CREB3L2: variants seen among roughly 807,000 people sequenced by gnomAD.
CREB3L2 encodes the protein cyclic AMP-responsive element-binding protein 3-like protein 2.
Under a neutral mutation model 57.2 loss-of-function variants are expected in CREB3L2, and 23 were observed. The observed-to-expected ratio is 0.40, with a 90% CI of 0.29 to 0.57. The LOEUF (loss-of-function observed/expected upper bound fraction) is 0.57, where lower values mean the gene tolerates loss of function less well. Ranked by LOEUF, CREB3L2 falls within the 20% of genes least tolerant of loss-of-function variation. The pLI is 0.42. For synonymous variants in CREB3L2, 268 were observed against 265.1 expected, an observed-to-expected ratio of 1.01 and a Z score of -0.11; for missense variants, 628 against 634.7, an observed-to-expected ratio of 0.99 and a Z score of 0.11.
chr7:137,921,916 G>T (rs923821878), intron 2 of CREB3L2, among the ~76,000 whole-genome samples: 1 of 151,522 alleles, frequency 6.6e-6, no homozygotes, highest in East Asian at 1.9e-4. Flanking sequence ...GACTACAGGC[G>T]TGCGTCACCT....
intron 6 of CREB3L2, among the ~76,000 whole-genome samples, chr7:137,904,293 G>A (rs1799833601): frequency 6.6e-6 from 1 of 152,196 alleles, no homozygotes; most frequent in African/African-American, 2.4e-5. Flanking sequence ...CACTTTGGGA[G>A]GCTGAGGTGG....
intron 1 of CREB3L2, among the ~76,000 whole-genome samples, chr7:137,943,082 T>A (rs1448519444): frequency 6.6e-6 from 1 of 152,214 alleles, no homozygotes; most frequent in East Asian, 1.9e-4. Context: ...GACCTAGCCC[T>A]GTCACTACTT....
At chr7:137,912,698 G>C in intron 4 of CREB3L2, 1 of 706,252 alleles carries the variant, frequency 1.4e-6, no homozygotes, top group Non-Finnish European at 2.3e-6. Flanking sequence ...TTGTTCGATA[G>C]TGTTTGTAGT....
rs1191738798 is a variant in CREB3L2 at position 137,882,638 on chromosome 7, G to C, written c.1271-10C>G. 3.2e-6 allele frequency: 5 copies of C among 1,570,974 alleles called. No homozygotes were observed. The highest frequency in any genetic ancestry group is 1.2e-5 in the South Asian group (1 of 86,716). Reference sequence around the variant, plus strand: ...AGGTTTCTGGATCTCACTGAGGACAGAGCAGAATAATAAGGTGTTAGCAAA... The same window carrying C: ...AGGTTTCTGGATCTCACTGAGGACACAGCAGAATAATAAGGTGTTAGCAAA... On this transcript the variant is annotated splice_polypyrimidine_tract_variant and intron_variant, in intron 10 of 11. Coordinates refer to ENST00000330387, the MANE Select transcript of CREB3L2 (RefSeq NM_194071.4).
At chr7:137,914,125 TTATA>T (rs939336625) in intron 3 of CREB3L2, among the ~76,000 whole-genome samples, 1 of 151,072 alleles carries the variant, frequency 6.6e-6, no homozygotes, top group African/African-American at 2.4e-5. Flanking sequence ...ATCCTTTCTC[TTATA>T]TATAACTTTA....
intron 1 of CREB3L2, among the ~76,000 whole-genome samples, chr7:137,973,682 G>A (rs539388674): frequency 9.7e-6 from 1 of 103,310 alleles, no homozygotes; most frequent in South Asian, 2.6e-4. Flanking sequence ...TGCCAAGAGG[G>A]ACCCTACTAG....
Position 138,001,449 on chromosome 7 carries a change from T to C in CREB3L2, c.102+155A>G, listed in dbSNP as rs965070089. On this transcript the variant is annotated intron_variant, in intron 1 of 11. Transcript: ENST00000330387. This position sits in a 1 kb window ranked among gnomAD's most constrained non-coding sequence, Gnocchi z 4.2. The stretch of plus-strand genomic sequence containing the variant: ...GGGCCAGCTGCCCGCCTTCATCTGC[T>C]CAGACATTAAAGTACACCTCGCCCA... Among the ~76,000 whole-genome samples, 1 of 152,196 alleles carries C rather than the reference T, an allele frequency of 6.6e-6. No individual in the cohort carries two copies. Among genetic ancestry groups the C allele is most frequent in the African/African-American group, 2.4e-5 (1 of 41,444 alleles).
chr7:137,937,108 T>C (rs1417314070), intron 1 of CREB3L2, among the ~76,000 whole-genome samples: 1 of 152,068 alleles, frequency 6.6e-6, no homozygotes, highest in East Asian at 1.9e-4. Flanking sequence ...ACAGGGAAGC[T>C]TTGCAGCCAG....
rs186361711 is a variant in CREB3L2, at chr7:137,932,455, G to A, written c.103-4089C>T. 5.0e-4 allele frequency among the ~76,000 whole-genome samples: 76 copies of A among 152,166 alleles called. No individual in the cohort carries two copies. In the East Asian group the frequency reaches 9.7e-3, roughly 19 times the overall value. On this transcript the variant is annotated intron_variant, in intron 1 of 11. Transcript: ENST00000330387. ...CTATATTAAAACTACCACCTAGGCC[G>A]GGCGCAGTGGCTCACACCTGTAATC...
chr7:137,977,478 T>C (rs2117310021), intron 1 of CREB3L2, among the ~76,000 whole-genome samples: 1 of 152,370 alleles, frequency 6.6e-6, no homozygotes, highest in Non-Finnish European at 1.5e-5. Context: ...AATCTTGGTA[T>C]AACCCACTGG....
rs1008085242 is a variant in CREB3L2, at chr7:137,980,872, C to T, written c.102+20732G>A. Among the ~76,000 whole-genome samples the T allele has an allele frequency of 6.6e-6, 1 of 152,220 alleles. No individual in the cohort carries two copies. Among genetic ancestry groups the T allele is most frequent in the South Asian group, 2.1e-4 (1 of 4,830 alleles). On this transcript the variant is annotated intron_variant, in intron 1 of 11. Transcript: ENST00000330387. This position sits in a 1 kb window ranked among gnomAD's most constrained non-coding sequence, Gnocchi z 4.3. The stretch of plus-strand genomic sequence containing the variant: ...TGATGCACTGGCCCCTGTTCCTCCA[C>T]AATGTGACCCCCCTTTGTCGCCAGC...
chr7:137,943,364 G>A (rs756488030), intron 1 of CREB3L2, among the ~76,000 whole-genome samples: 54 of 151,196 alleles, frequency 3.6e-4, no homozygotes, highest in Non-Finnish European at 7.2e-4. Flanking sequence ...CCTTGAGGAT[G>A]GCTGAGCTAA....
At chr7:137,979,797 C>A (rs1198380930) in intron 1 of CREB3L2, among the ~76,000 whole-genome samples, 1 of 152,164 alleles carries the variant, frequency 6.6e-6, no homozygotes, top group South Asian at 2.1e-4. Flanking sequence ...CAATCTCTGG[C>A]CTTGAGACAT....
intron 1 of CREB3L2, among the ~76,000 whole-genome samples, chr7:137,935,275 T>TA (rs1286464774): frequency 6.6e-6 from 1 of 152,230 alleles, no homozygotes; most frequent in Non-Finnish European, 1.5e-5. Context: ...AAAGCTCTTT[T>TA]AAAAAACTAA....
chr7:137,912,788 G>T, intron 4 of CREB3L2: 1 of 1,455,026 alleles, frequency 6.9e-7, no homozygotes, highest in Non-Finnish European at 9.3e-7. Flanking sequence ...ATTTAATCAC[G>T]TGCATATATG....
intron 1 of CREB3L2, among the ~76,000 whole-genome samples, chr7:137,986,760 A>G (rs989046504): frequency 6.6e-6 from 1 of 152,208 alleles, no homozygotes; most frequent in Admixed American, 6.5e-5. Context: ...GTGTCCTCCT[A>G]GAAGTCTGTA....
At chr7:137,910,021 G>T (rs1799974203) in intron 4 of CREB3L2, among the ~76,000 whole-genome samples, 1 of 152,122 alleles carries the variant, frequency 6.6e-6, no homozygotes, top group South Asian at 2.1e-4. Context: ...TATCCACGTG[G>T]AACTGTGAGG....
chr7:137,953,087 G>A (rs1242654956), intron 1 of CREB3L2, among the ~76,000 whole-genome samples: 3 of 152,240 alleles, frequency 2.0e-5, no homozygotes, highest in Non-Finnish European at 2.9e-5. Context: ...AAAGTATTGG[G>A]ATGAAAGGCA....
intron 2 of CREB3L2, among the ~76,000 whole-genome samples, chr7:137,921,927 C>T (rs1305733103): frequency 6.6e-6 from 1 of 151,768 alleles, no homozygotes; most frequent in Non-Finnish European, 1.5e-5. Flanking sequence ...TGCGTCACCT[C>T]ACCCAGCTAT....
Sources: allele counts gnomAD v4.1 joint callset (sites outside exome capture counted in the v4.1 genomes callset), GRCh38; gene constraint gnomAD v4.1.1; non-coding constraint Gnocchi (gnomAD v3.1); transcripts MANE v1.5; gene names NCBI Gene and HGNC (gene_info 2026-07-23, HGNC 2026-07-21).